Variants in ATF7IP2 observed in about 807,000 individuals in gnomAD.
ATF7IP2 encodes the protein activating transcription factor 7 interacting protein 2.
ATF7IP2 carries 42 observed loss-of-function variants against 64.2 expected under a neutral mutation model. That is an observed-to-expected ratio of 0.65 (90% confidence interval 0.51 to 0.85). The LOEUF (loss-of-function observed/expected upper bound fraction) is 0.85, where lower values mean the gene tolerates loss of function less well. Among genes scored for constraint, ATF7IP2 ranks in the 40% least tolerant of loss-of-function variants. The pLI is 0.00. For synonymous variants in ATF7IP2, 308 were observed against 272.8 expected, an observed-to-expected ratio of 1.13 and a Z score of -1.27; for missense variants, 933 against 784.2, an observed-to-expected ratio of 1.19 and a Z score of -2.27.
intron 8 of ATF7IP2, among the ~76,000 whole-genome samples, chr16:10,443,164 C>A (rs567821891): frequency 3.9e-5 from 6 of 152,254 alleles, no homozygotes; most frequent in South Asian, 2.1e-4. Flanking sequence ...CACATCCACT[C>A]GAGGATGAGT....
At chr16:10,457,568 C>T in intron 9 of ATF7IP2, 39 bp downstream of exon 9, 1 of 1,412,610 alleles carries the variant, frequency 7.1e-7, no homozygotes, top group Non-Finnish European at 9.5e-7. Context: ...TTATCTAAAT[C>T]TATAATAATG....
At chr16:10,434,851 G>C (rs2048366580) in intron 6 of ATF7IP2, among the ~76,000 whole-genome samples, 1 of 152,190 alleles carries the variant, frequency 6.6e-6, no homozygotes, top group African/African-American at 2.4e-5. Context: ...AGACTGGAGT[G>C]CAGTGGCACA....
intron 1 of ATF7IP2, among the ~76,000 whole-genome samples, chr16:10,407,468 T>C (rs1489378823): frequency 6.6e-6 from 1 of 152,186 alleles, no homozygotes; most frequent in African/African-American, 2.4e-5. Flanking sequence ...TAAGATCTTA[T>C]ATTTGGAAAA....
chr16:10,477,230 T>G (rs2050043940), intron 12 of ATF7IP2, among the ~76,000 whole-genome samples: 1 of 152,184 alleles, frequency 6.6e-6, no homozygotes, highest in Admixed American at 6.5e-5. Context: ...TACAAGGAAC[T>G]TAAGCAAATT....
At chr16:10,465,236 A>G (rs1455900355) in intron 9 of ATF7IP2, among the ~76,000 whole-genome samples, 1 of 152,212 alleles carries the variant, frequency 6.6e-6, no homozygotes, top group Non-Finnish European at 1.5e-5. Context: ...CTCAAGTAGT[A>G]AATGGCAGAG....
intron 8 of ATF7IP2, chr16:10,447,064 C>A (rs1342813127): frequency 6.6e-6 from 1 of 152,208 alleles, no homozygotes; most frequent in Non-Finnish European, 1.5e-5. Context: ...GACGGGACCC[C>A]CAAAGGGCCG....
intron 9 of ATF7IP2, among the ~76,000 whole-genome samples, chr16:10,459,654 A>G (rs896843904): frequency 2.6e-5 from 4 of 152,172 alleles, no homozygotes; most frequent in African/African-American, 7.2e-5. Flanking sequence ...CTCAAAAAAT[A>G]AAATAAATAC....
chr16:10,426,810 C>G (rs1337919621), intron 3 of ATF7IP2, among the ~76,000 whole-genome samples: 1 of 151,570 alleles, frequency 6.6e-6, no homozygotes, highest in Non-Finnish European at 1.5e-5. Flanking sequence ...ACTCATATAA[C>G]AAAGGATTGA....
At chr16:10,416,943 C>T (rs558049194) in intron 2 of ATF7IP2, among the ~76,000 whole-genome samples, 87 of 152,130 alleles carry the variant, frequency 5.7e-4, no homozygotes, top group Non-Finnish European at 1.2e-3. Context: ...AGGATAAATG[C>T]TTCAGGGGAT....
intron 2 of ATF7IP2, among the ~76,000 whole-genome samples, chr16:10,418,853 C>G (rs1309799879): frequency 6.6e-6 from 1 of 152,212 alleles, no homozygotes; most frequent in South Asian, 2.1e-4. Flanking sequence ...TGCCACTATA[C>G]TGCCGTGTTT....
intron 8 of ATF7IP2, chr16:10,449,364 A>C (rs932250289): frequency 1.3e-5 from 2 of 152,126 alleles, no homozygotes; most frequent in Non-Finnish European, 2.9e-5. Flanking sequence ...TATTCTTTGG[A>C]ATGGTTTCAG....
chr16:10,410,162 C>T (rs1336773759), intron 1 of ATF7IP2, among the ~76,000 whole-genome samples: 1 of 152,106 alleles, frequency 6.6e-6, no homozygotes, highest in African/African-American at 2.4e-5. Flanking sequence ...TTGCTCTTGG[C>T]AGTGTGGTCA....
At chr16:10,417,459 A>G (rs935137803) in intron 2 of ATF7IP2, among the ~76,000 whole-genome samples, 1 of 152,230 alleles carries the variant, frequency 6.6e-6, no homozygotes, top group Non-Finnish European at 1.5e-5. Context: ...TTAGCTTTAA[A>G]TCAAAAGCAG....
chr16:10,433,331 A>C (rs1567455356), intron 5 of ATF7IP2, among the ~76,000 whole-genome samples, 194 bp from the exon 6 acceptor site: 5 of 152,106 alleles, frequency 3.3e-5, no homozygotes, highest in Non-Finnish European at 7.4e-5. Context: ...ATGCCCCACC[A>C]TACCCAGCTA....
intron 8 of ATF7IP2, chr16:10,448,658 G>A (rs2048888427): frequency 6.6e-6 from 1 of 152,110 alleles, no homozygotes; most frequent in Non-Finnish European, 1.5e-5. Flanking sequence ...GAGATTTGGG[G>A]CTGAGATGAT....
rs1005778899 is a variant in ATF7IP2, at chr16:10,482,532, C to A, written c.*283C>A. On this transcript the variant is annotated 3_prime_UTR_variant, in exon 14 of 14. Coordinates refer to ENST00000562102, the MANE Select transcript of ATF7IP2 (RefSeq NM_001393719.1). ...TTTAGTGACTGTGGAACTGCTGCTTCTATCAGAAGACCTAGGATACAAGCA... is the reference window on the plus strand; with the variant it reads ...TTTAGTGACTGTGGAACTGCTGCTTATATCAGAAGACCTAGGATACAAGCA... The A allele has an allele frequency of 4.4e-6, 1 of 227,470 alleles. No individual in the cohort carries two copies. The highest frequency in any genetic ancestry group is 9.1e-5 in the South Asian group (1 of 10,994). 14.1% of individuals were successfully genotyped at this position (227,470 alleles called of 1,614,324 possible).
intron 8 of ATF7IP2, among the ~76,000 whole-genome samples, chr16:10,456,889 C>T (rs2049188838): frequency 6.6e-6 from 1 of 152,138 alleles, no homozygotes; most frequent in South Asian, 2.1e-4. Flanking sequence ...AATTAATGTA[C>T]ATATATATTT....
intron 9 of ATF7IP2, among the ~76,000 whole-genome samples, chr16:10,461,906 T>A (rs2142028182): frequency 6.6e-6 from 1 of 152,278 alleles, no homozygotes; most frequent in South Asian, 2.1e-4. Flanking sequence ...CTTAGTGTAA[T>A]CTGACTGATG....
At position 10,483,079 on chromosome 16, in the gene ATF7IP2, T is replaced by C. The variant is rs2050295159; in HGVS notation, c.*830T>C. The C allele has an allele frequency of 6.6e-6, 1 of 152,264 alleles. No individual in the cohort carries two copies. The highest frequency in any genetic ancestry group is 2.4e-5 in the African/African-American group (1 of 41,470). 9.4% of individuals were successfully genotyped at this position (152,264 alleles called of 1,614,324 possible). ...CTTTCTATTCAGCTTCTAAGTGGGC[T>C]ATTCATTTGTGCTCTCCTCTTTTTT... On this transcript the variant is annotated 3_prime_UTR_variant, in exon 14 of 14. Transcript: ENST00000562102.
Sources: allele counts gnomAD v4.1 joint callset (sites outside exome capture counted in the v4.1 genomes callset), GRCh38; gene constraint gnomAD v4.1.1; transcripts MANE v1.5; gene names NCBI Gene and HGNC (gene_info 2026-07-23, HGNC 2026-07-21).